The following HERC1 variants were observed in gnomAD, a reference collection of about 807,000 sequenced individuals.
The protein encoded by HERC1 is HECT and RLD domain containing E3 ubiquitin protein ligase family member 1, also known as probable E3 ubiquitin-protein ligase HERC1.
HERC1 carries 160 observed loss-of-function variants against 554.3 expected under a neutral mutation model. The observed-to-expected ratio is 0.29, with a 90% confidence interval of 0.25 to 0.33. HERC1 has a LOEUF of 0.33. Ranked by LOEUF, HERC1 falls within the 10% of genes least tolerant of loss-of-function variation. The pLI is 1.00. For missense variants in HERC1, 4,919 were observed against 5,918.5 expected (o/e 0.83, Z 5.54); for synonymous variants, 2,175 against 2,131.7 (o/e 1.02, Z -0.56).
At chr15:63,637,768 G>A in intron 63 of HERC1, 125 bp from the exon 64 acceptor site, 1 of 616,236 alleles carries the variant, frequency 1.6e-6, no homozygotes, top group Non-Finnish European at 2.6e-6. Flanking sequence ...TTACTGAAAG[G>A]GAAGAGTTGA....
chr15:63,791,877 G>A (rs1166718594), intron 1 of HERC1, among the ~76,000 whole-genome samples: 1 of 152,038 alleles, frequency 6.6e-6, no homozygotes, highest in African/African-American at 2.4e-5. Context: ...TTATCTGTTG[G>A]CAGTAACATC....
At chr15:63,765,057 G>A (rs922892903) in intron 2 of HERC1, among the ~76,000 whole-genome samples, 19 of 152,202 alleles carry the variant, frequency 1.2e-4, no homozygotes, top group African/African-American at 3.9e-4. Flanking sequence ...GCTGACTTAT[G>A]CAAGAAGCTG....
Position 63,625,994 on chromosome 15 carries a change from G to A in HERC1, c.13266C>T (p.Pro4422=), listed in dbSNP as rs1283682950. 5 of 1,608,988 alleles carry A rather than the reference G, an allele frequency of 3.1e-6. No homozygotes were observed. The highest frequency in any genetic ancestry group is 4.2e-6 in the Non-Finnish European group (5 of 1,177,694). Residue 4422 remains proline (P), a synonymous_variant, in exon 71 of 78, where the codon CCC becomes CCT. Transcript: ENST00000443617. ...CACGCCAGTCTGTTACCTGGTTGTT[G>A]GGGCTAAGGTTCAGCAGTCTCCAGG... ...YSSWRLLNLS[P]NNQNSTSHYN...
intron 39 of HERC1, 141 bp from the exon 40 acceptor site, chr15:63,669,839 C>G (rs960923297): frequency 1.6e-6 from 1 of 642,600 alleles, no homozygotes; most frequent in African/African-American, 1.8e-5. Flanking sequence ...GAGAAAGACT[C>G]CTTAGTTTTA....
At chr15:63,729,741 G>A in intron 14 of HERC1, 92 bp from the exon 15 acceptor site, 1 of 1,263,600 alleles carries the variant, frequency 7.9e-7, no homozygotes, top group Non-Finnish European at 1.1e-6. Context: ...GCATTATATG[G>A]GCTGGGTGCG....
intron 64 of HERC1, among the ~76,000 whole-genome samples, chr15:63,636,483 C>T (rs1204823272): frequency 6.6e-6 from 1 of 152,070 alleles, no homozygotes; most frequent in Non-Finnish European, 1.5e-5. Flanking sequence ...GCTGGCCAGG[C>T]TGGTCATGAA....
intron 1 of HERC1, 74 bp downstream of exon 1, chr15:63,833,753 G>GCGCACACACACACACACACACACACA (rs1340096449): frequency 5.6e-4 from 26 of 46,484 alleles, no homozygotes; most frequent in African/African-American, 1.4e-3. Flanking sequence ...ACGCGCGCGC[G>GCGCACACACACACACACACACACACA]CACACACACA....
rs768713896 is a variant in HERC1 at position 63,716,296 on chromosome 15, A to G, written c.4150+6T>C. 5.0e-5 allele frequency: 81 copies of G among 1,609,996 alleles called. No homozygotes were observed. Among genetic ancestry groups the G allele is most frequent in the Middle Eastern group, 1.6e-4 (1 of 6,070 alleles). ...TGTATCTAGAAAGTAAGAAGGGTAT[A>G]CTCACTGCCAGCTGTCATCACTTCA... On this transcript the variant is annotated splice_donor_region_variant and intron_variant, in intron 22 of 77. Transcript: ENST00000443617.
rs1288716644 is a variant in HERC1, at chr15:63,687,537, C to T, written c.6049-1002G>A. Among the ~76,000 whole-genome samples the T allele has an allele frequency of 2.3e-5, 3 of 130,728 alleles. No individual in the cohort carries two copies. The South Asian group carries it at 7.2e-4, about 32-fold the overall frequency. The allele number at this position is 130,728 out of a possible 152,430, so 85.8% of individuals were successfully genotyped here. A position where few individuals can be genotyped will look rare whatever the true frequency, so the allele number is the denominator to read the frequency against. On this transcript the variant is annotated intron_variant, in intron 33 of 77. Coordinates refer to ENST00000443617, the MANE Select transcript of HERC1 (RefSeq NM_003922.4). ...TGGGTGACAGAGCGAGACTCTGTCT[C>T]AAAAAAAAAAAAGAAAGAAATAGTG...
At chr15:63,663,264 G>A (rs2070447048) in intron 43 of HERC1, 60 bp from the exon 44 acceptor site, 8 of 1,456,002 alleles carry the variant, frequency 5.5e-6, no homozygotes, top group South Asian at 1.2e-5. Context: ...TGAATATTTC[G>A]CCAGTTCTTA....
chr15:63,770,355 T>C (rs2075914179), intron 2 of HERC1, among the ~76,000 whole-genome samples: 1 of 152,218 alleles, frequency 6.6e-6, no homozygotes, highest in African/African-American at 2.4e-5. Context: ...TACAGACTTC[T>C]ACTATAGCCC....
At chr15:63,817,097 G>T (rs112880368) in intron 1 of HERC1, among the ~76,000 whole-genome samples, 90 of 152,110 alleles carry the variant, frequency 5.9e-4, no homozygotes, top group Middle Eastern at 3.4e-3. Flanking sequence ...CAAACAACCT[G>T]CTTTCTTTTA....
intron 74 of HERC1, among the ~76,000 whole-genome samples, chr15:63,617,460 A>G (rs190037656): frequency 1.3e-5 from 2 of 152,208 alleles, no homozygotes; most frequent in Admixed American, 1.3e-4. Context: ...ATAGTGCCGC[A>G]ATAAACATAC....
intron 2 of HERC1, among the ~76,000 whole-genome samples, chr15:63,773,036 G>C (rs750558891): frequency 3.3e-5 from 5 of 152,186 alleles, no homozygotes; most frequent in Non-Finnish European, 7.3e-5. Context: ...TCTACTTGTT[G>C]CGGGTAGGGG....
chr15:63,694,101 C>A lies in HERC1; in HGVS notation c.5537G>T (p.Cys1846Phe). ...KVVQSLLDLL[C>F]SQLKNLLSQT... ...GGACAATAAATTCTTCAACTGACTA[C>A]AGAGTAGATCCAACAAGGATTGAAC... Residue 1846 changes from cysteine to phenylalanine, a missense_variant, in exon 30 of 78, where the codon TGT becomes TTT. Physicochemically the swap from Cys to Phe is radical, Grantham distance 205 (BLOSUM62 -2). Transcript: ENST00000443617. This position sits in a 1 kb window ranked among gnomAD's most constrained non-coding sequence, Gnocchi z 4.3. 6.2e-7 allele frequency: 1 copy of A among 1,610,542 alleles called. No homozygotes were observed. The highest frequency in any genetic ancestry group is 8.5e-7 in the Non-Finnish European group (1 of 1,178,344).
intron 2 of HERC1, among the ~76,000 whole-genome samples, chr15:63,764,818 C>T (rs2075722032): frequency 6.6e-6 from 1 of 152,158 alleles, no homozygotes; most frequent in Non-Finnish European, 1.5e-5. Context: ...AGAAAAAAAC[C>T]CTGAAACTTG....
intron 39 of HERC1, 102 bp downstream of exon 39, chr15:63,672,394 A>G: frequency 1.3e-6 from 1 of 765,658 alleles, no homozygotes; most frequent in Non-Finnish European, 2.0e-6. Flanking sequence ...TTCTAGCTCT[A>G]GAACACCAAG....
intron 12 of HERC1, among the ~76,000 whole-genome samples, chr15:63,740,344 T>G (rs946788112): frequency 2.0e-5 from 3 of 152,260 alleles, no homozygotes; most frequent in African/African-American, 7.2e-5. Flanking sequence ...GACAGACACA[T>G]GTTGTTTTCA....
chr15:63,625,974 C>A lies in HERC1; in HGVS notation c.13275+11G>T. 6.2e-7 allele frequency: 1 copy of A among 1,601,992 alleles called. No homozygotes were observed. The highest frequency in any genetic ancestry group is 2.3e-5 in the East Asian group (1 of 44,404). On this transcript the variant is annotated intron_variant, in intron 71 of 77. Transcript: ENST00000443617. ...GTCTGTGCCTGGCTGCTTACCACGCCAGTCTGTTACCTGGTTGTTGGGGCT... is the reference window on the plus strand; with the variant it reads ...GTCTGTGCCTGGCTGCTTACCACGCAAGTCTGTTACCTGGTTGTTGGGGCT...
Sources: allele counts gnomAD v4.1 joint callset (sites outside exome capture counted in the v4.1 genomes callset), GRCh38; gene constraint gnomAD v4.1.1; non-coding constraint Gnocchi (gnomAD v3.1); transcripts MANE v1.5; gene names NCBI Gene and HGNC (gene_info 2026-07-23, HGNC 2026-07-21).